The following RECK variants were observed in gnomAD, a reference collection of about 807,000 sequenced individuals.
RECK encodes the protein reversion inducing cysteine rich protein with kazal motifs.
A neutral mutation model predicts 115.1 loss-of-function variants in RECK; 69 were observed. That is an observed-to-expected ratio of 0.60 (90% CI 0.49 to 0.73). RECK has a LOEUF of 0.73. Among genes scored for constraint, RECK ranks in the 30% least tolerant of loss-of-function variants. The pLI is 0.00. For synonymous variants in RECK, 414 were observed against 419.7 expected, an observed-to-expected ratio of 0.99 and a Z score of 0.17; for missense variants, 1,047 against 1,203.7, an observed-to-expected ratio of 0.87 and a Z score of 1.93.
intron 15 of RECK, 81 bp from the exon 16 acceptor site, chr9:36,112,224 T>C (rs893437803): frequency 7.4e-7 from 1 of 1,344,852 alleles, no homozygotes; most frequent in Non-Finnish European, 1.0e-6. Context: ...ACATGATTGC[T>C]CATGGTTTGC....
chr9:36,081,003 G>T (rs1184134887), intron 7 of RECK, among the ~76,000 whole-genome samples: 1 of 152,124 alleles, frequency 6.6e-6, no homozygotes, highest in Non-Finnish European at 1.5e-5. Context: ...AAGAATGCTG[G>T]GATATGGTAG....
chr9:36,096,523 CA>C (rs1173656391), intron 10 of RECK, among the ~76,000 whole-genome samples: 2 of 151,734 alleles, frequency 1.3e-5, no homozygotes, highest in Non-Finnish European at 2.9e-5. Flanking sequence ...GGCAACACAG[CA>C]AAAACTCTGT....
rs780827620 is a variant in RECK, at chr9:36,117,057, A to G, written c.2133A>G (p.Pro711=). The G allele has an allele frequency of 3.7e-6, 6 of 1,614,164 alleles. No individual in the cohort carries two copies. The highest frequency in any genetic ancestry group is 5.1e-6 in the Non-Finnish European group (6 of 1,180,008). Residue 711 remains proline (P), a synonymous_variant, in exon 17 of 21, where the codon CCA becomes CCG. Coordinates refer to ENST00000377966, the MANE Select transcript of RECK (RefSeq NM_021111.3). ...GATGTAGCCAGTATGAGTGTGTACC[A>G]AGACAGCTCGCGTGTGACCAGGTCC... ...KFGCSQYECV[P]RQLACDQVQD...
chr9:36,056,720 A>G (rs549437877), intron 2 of RECK, among the ~76,000 whole-genome samples: 1 of 152,278 alleles, frequency 6.6e-6, no homozygotes, highest in South Asian at 2.1e-4. Flanking sequence ...TACTTGATTT[A>G]AGTTTAAATA....
chr9:36,060,495 C>T (rs1821710577), intron 4 of RECK, among the ~76,000 whole-genome samples: 1 of 152,200 alleles, frequency 6.6e-6, no homozygotes, highest in African/African-American at 2.4e-5. Context: ...TGCCATTCTA[C>T]TGAAACTAGT....
intron 2 of RECK, among the ~76,000 whole-genome samples, chr9:36,053,937 C>T (rs536670901): frequency 6.6e-6 from 1 of 152,258 alleles, no homozygotes; most frequent in Admixed American, 6.5e-5. Context: ...TCGAATGTGA[C>T]TTTTATCTCT....
chr9:36,061,953 G>A (rs1196262006), intron 4 of RECK, among the ~76,000 whole-genome samples: 1 of 151,914 alleles, frequency 6.6e-6, no homozygotes, highest in African/African-American at 2.4e-5. Context: ...AGTTTCATTT[G>A]GGGAACTATG....
chr9:36,097,258 G>A (rs1367822261), intron 10 of RECK, among the ~76,000 whole-genome samples: 1 of 150,852 alleles, frequency 6.6e-6, no homozygotes, highest in Non-Finnish European at 1.5e-5. Context: ...AACCTAGGAG[G>A]TGAAAGTTGC....
At chr9:36,117,320 G>C (rs772382176) in intron 17 of RECK, 143 bp downstream of exon 17, 2 of 621,282 alleles carry the variant, frequency 3.2e-6, no homozygotes, top group African/African-American at 3.7e-5. Context: ...CCACTAAAAA[G>C]GAAGACTGGC....
At chr9:36,038,092 C>T (rs1820741334) in intron 1 of RECK, among the ~76,000 whole-genome samples, 1 of 151,094 alleles carries the variant, frequency 6.6e-6, no homozygotes, top group South Asian at 2.1e-4. Flanking sequence ...GCGGGCGGAT[C>T]CCTTGAGCCC....
chr9:36,097,092 G>A (rs1164544413), intron 10 of RECK, among the ~76,000 whole-genome samples: 2 of 152,172 alleles, frequency 1.3e-5, no homozygotes, highest in African/African-American at 4.8e-5. Flanking sequence ...GGGAGGCCGA[G>A]GCAGGTGGAT....
In RECK at chr9:36,105,170, A is replaced by G. The variant is rs769867577; in HGVS notation, c.1463A>G (p.Glu488Gly). The part of the protein sequence containing the change: ...LRPSTLGNIV[E>G]EVTHPCNPNP... ...CCAAGTACTTTAGGTAACATTGTAG[A>G]AGAAGTGACTCATCCCTGTAACCCA... Residue 488 changes from glutamate to glycine, a missense_variant, in exon 13 of 21, where the codon GAA becomes GGA. Coordinates refer to ENST00000377966, the MANE Select transcript of RECK (RefSeq NM_021111.3). 1.1e-5 allele frequency: 18 copies of G among 1,613,914 alleles called. No individual in the cohort carries two copies. The East Asian group carries it at 3.8e-4, about 34-fold the overall frequency.
chr9:36,080,770 C>A, intron 7 of RECK, 132 bp downstream of exon 7: 2 of 746,722 alleles, frequency 2.7e-6, no homozygotes, highest in Non-Finnish European at 2.2e-6. Context: ...TATAACAATT[C>A]CCATGTCTTA....
intron 7 of RECK, among the ~76,000 whole-genome samples, chr9:36,082,082 A>G (rs1822722623): frequency 6.6e-6 from 1 of 151,064 alleles, no homozygotes; most frequent in Non-Finnish European, 1.5e-5. Context: ...GGTCTTTGGA[A>G]TTCACCAGAA....
intron 15 of RECK, among the ~76,000 whole-genome samples, chr9:36,111,015 T>C (rs1200817933): frequency 6.6e-6 from 1 of 152,234 alleles, no homozygotes; most frequent in Non-Finnish European, 1.5e-5. Flanking sequence ...GCAAGGACTA[T>C]TCATTCTGCT....
chr9:36,047,693 T>C (rs1821118452), intron 1 of RECK, among the ~76,000 whole-genome samples: 1 of 151,888 alleles, frequency 6.6e-6, no homozygotes, highest in Admixed American at 6.6e-5. Context: ...TCAAGGCACC[T>C]TTTTTTTCTT....
chr9:36,100,541 C>T lies in RECK; in HGVS notation c.1296C>T (p.Cys432=). The T allele has an allele frequency of 6.2e-7, 1 of 1,609,584 alleles. No individual in the cohort carries two copies. Residue 432 remains cysteine (C), a splice_region_variant and synonymous_variant, in exon 11 of 21, where the codon TGC becomes TGT. Transcript: ENST00000377966. ...CHSKSRGSII[C]KSDCVEILKK... ...GTAAATCTCGGGGAAGTATTATTTG[C>T]AAGTAAGTTTCTTTCATCCTAACGA...
chr9:36,087,650 CAAAA>C, intron 8 of RECK, 40 bp from the exon 9 acceptor site: 2 of 1,577,228 alleles, frequency 1.3e-6, no homozygotes, highest in Non-Finnish European at 1.7e-6. Flanking sequence ...TAAAAACAAA[CAAAA>C]AAAACAGCTA....
rs571512495 is a variant in RECK at position 36,122,013 on chromosome 9, G to A, written c.2694+325G>A. 3.3e-5 allele frequency among the ~76,000 whole-genome samples: 5 copies of A among 152,286 alleles called. No homozygotes were observed. In the South Asian group the frequency reaches 1.0e-3, roughly 32 times the overall value. On this transcript the variant is annotated intron_variant, in intron 20 of 20. Coordinates refer to ENST00000377966, the MANE Select transcript of RECK (RefSeq NM_021111.3). The stretch of plus-strand genomic sequence containing the variant: ...TCTCTAATCCACCCATTGTACAGAC[G>A]AGGCAGCTGATGCCCAAGCCGGGGA...
Sources: gnomAD v4.1 joint callset for allele counts (sites outside exome capture counted in the v4.1 genomes callset) on GRCh38, gnomAD v4.1.1 for gene constraint, MANE v1.5 for transcripts, NCBI Gene and HGNC (gene_info 2026-07-23, HGNC 2026-07-21) for gene names.